The following CHD6 variants were observed in gnomAD, a reference collection of about 807,000 sequenced individuals.
CHD6 encodes ATP-dependent chromatin remodeler CHD6.
Under a neutral mutation model 276.9 loss-of-function variants are expected in CHD6, and 50 were observed. The ratio of observed to expected loss-of-function variants is 0.18; its 90% CI spans 0.14 to 0.23. The LOEUF (loss-of-function observed/expected upper bound fraction) is 0.23, where lower values mean the gene tolerates loss of function less well. Among genes scored for constraint, CHD6 ranks in the 10% least tolerant of loss-of-function variants. The probability of loss-of-function intolerance (pLI) is 1.00; values close to 1 mark genes in which losing one functional copy is unlikely to be tolerated. For missense variants in CHD6, 2,564 were observed against 3,365.8 expected (o/e 0.76, Z 5.89); for synonymous variants, 1,173 against 1,229.3 (o/e 0.95, Z 0.96).
chr20:41,446,605 C>T (rs1034001153), intron 24 of CHD6, among the ~76,000 whole-genome samples: 14 of 152,186 alleles, frequency 9.2e-5, no homozygotes, highest in Non-Finnish European at 1.6e-4. Context: ...CCGTCAGACT[C>T]TTACTGTGAC....
intron 24 of CHD6, among the ~76,000 whole-genome samples, chr20:41,446,121 G>A (rs916448708): frequency 6.6e-6 from 1 of 152,178 alleles, no homozygotes; most frequent in Non-Finnish European, 1.5e-5. Flanking sequence ...TGATATATTG[G>A]ACATCTGAAG....
At chr20:41,557,661 A>T (rs2045255840) in intron 1 of CHD6, among the ~76,000 whole-genome samples, 1 of 152,098 alleles carries the variant, frequency 6.6e-6, no homozygotes, top group African/African-American at 2.4e-5. Flanking sequence ...TGTTTTTGCA[A>T]ACACAAACAA....
intron 1 of CHD6, among the ~76,000 whole-genome samples, chr20:41,610,533 G>A (rs1260056609): frequency 2.0e-5 from 3 of 152,048 alleles, no homozygotes; most frequent in East Asian, 1.9e-4. Context: ...AGGCCGAGGC[G>A]GGCGGAATAC....
intron 1 of CHD6, among the ~76,000 whole-genome samples, chr20:41,570,060 C>A (rs2045400836): frequency 6.6e-6 from 1 of 152,150 alleles, no homozygotes; most frequent in South Asian, 2.1e-4. Flanking sequence ...GTTTGGAGTA[C>A]AACAAATTTC....
At chr20:41,562,338 TG>T (rs1343714317) in intron 1 of CHD6, among the ~76,000 whole-genome samples, 1 of 152,184 alleles carries the variant, frequency 6.6e-6, no homozygotes, top group Non-Finnish European at 1.5e-5. Context: ...GATGACCCTG[TG>T]GTCTAGTGGA....
chr20:41,532,905 G>T, intron 3 of CHD6, 145 bp downstream of exon 3: 1 of 887,280 alleles, frequency 1.1e-6, no homozygotes, highest in Non-Finnish European at 1.6e-6. Flanking sequence ...GGTTACCCCT[G>T]CTCCCCATCC....
intron 1 of CHD6, among the ~76,000 whole-genome samples, chr20:41,578,628 C>T (rs1250430034): frequency 1.4e-5 from 2 of 145,404 alleles, no homozygotes; most frequent in African/African-American, 2.6e-5. Context: ...CGCAGTGAGC[C>T]GAGATCGCAC....
chr20:41,454,563 G>T, intron 20 of CHD6, 63 bp downstream of exon 20: 1 of 1,269,966 alleles, frequency 7.9e-7, no homozygotes, highest in Non-Finnish European at 1.1e-6. Flanking sequence ...AGCTGTGTAG[G>T]AATTTATTGT....
intron 27 of CHD6, among the ~76,000 whole-genome samples, chr20:41,427,875 C>T (rs1490391274): frequency 6.6e-6 from 1 of 152,174 alleles, no homozygotes; most frequent in Non-Finnish European, 1.5e-5. Flanking sequence ...TTTTAAATAT[C>T]CCCACAGTAT....
At chr20:41,500,593 G>A (rs2043807995) in intron 5 of CHD6, among the ~76,000 whole-genome samples, 1 of 152,096 alleles carries the variant, frequency 6.6e-6, no homozygotes. Flanking sequence ...GAAGAAAGGG[G>A]TGTGAATACA....
At chr20:41,441,779 G>A (rs998414528) in intron 25 of CHD6, among the ~76,000 whole-genome samples, 5 of 152,196 alleles carry the variant, frequency 3.3e-5, no homozygotes, top group South Asian at 2.1e-4. Context: ...GAAGCCAGTA[G>A]GAGCTGCAAC....
At chr20:41,551,402 C>G in intron 1 of CHD6, 42 bp from the exon 2 acceptor site, 1 of 875,942 alleles carries the variant, frequency 1.1e-6, no homozygotes. Flanking sequence ...TGACAAAACC[C>G]AAAATAAAAC....
At chr20:41,418,368 G>C (rs960685496) in intron 31 of CHD6, among the ~76,000 whole-genome samples, 3 of 152,214 alleles carry the variant, frequency 2.0e-5, no homozygotes, top group Non-Finnish European at 4.4e-5. Context: ...TCTCTCGGAG[G>C]AGGGAGCTCC....
intron 1 of CHD6, among the ~76,000 whole-genome samples, chr20:41,593,805 T>C (rs1158326745): frequency 1.3e-5 from 2 of 152,072 alleles, no homozygotes; most frequent in African/African-American, 4.8e-5. Flanking sequence ...AAAGACCATG[T>C]GAGGATATGG....
intron 1 of CHD6, among the ~76,000 whole-genome samples, chr20:41,591,659 C>T (rs969626635): frequency 3.9e-4 from 60 of 152,222 alleles, no homozygotes; most frequent in African/African-American, 1.4e-3. Flanking sequence ...CACCATTGCA[C>T]TCCAGCCTGG....
At chr20:41,578,393 A>G (rs1392809783) in intron 1 of CHD6, among the ~76,000 whole-genome samples, 1 of 152,218 alleles carries the variant, frequency 6.6e-6, no homozygotes, top group Non-Finnish European at 1.5e-5. Context: ...ATTTCCTCAC[A>G]GTTTTTTAAA....
chr20:41,498,123 A>C, intron 7 of CHD6, 45 bp downstream of exon 7: 1 of 1,350,396 alleles, frequency 7.4e-7, no homozygotes, highest in Non-Finnish European at 1.1e-6. Flanking sequence ...AAAAAGTTTT[A>C]TTCATATAAA....
chr20:41,551,749 T>C (rs982203285), intron 1 of CHD6, among the ~76,000 whole-genome samples: 7 of 152,142 alleles, frequency 4.6e-5, no homozygotes, highest in African/African-American at 1.7e-4. Flanking sequence ...ATCAATGATG[T>C]CTACAATGGA....
At chr20:41,456,980 T>G (rs1269538107) in intron 18 of CHD6, among the ~76,000 whole-genome samples, 1 of 152,228 alleles carries the variant, frequency 6.6e-6, no homozygotes, top group East Asian at 1.9e-4. Context: ...TGTTAAGATC[T>G]ACTGGCTTCT....
Sources: allele counts gnomAD v4.1 joint callset (sites outside exome capture counted in the v4.1 genomes callset), GRCh38; gene constraint gnomAD v4.1.1; transcripts MANE v1.5; gene names NCBI Gene and HGNC (gene_info 2026-07-23, HGNC 2026-07-21).